Variants in MAGI1 observed in about 807,000 individuals in gnomAD.
MAGI1 encodes membrane-associated guanylate kinase, WW and PDZ domain-containing protein 1.
MAGI1 carries 58 observed loss-of-function variants against 139.9 expected under a neutral mutation model. That is an observed-to-expected ratio of 0.41 (90% confidence interval 0.34 to 0.52). MAGI1 has a LOEUF of 0.52. MAGI1 is among the 20% of genes least tolerant of loss of function. The pLI is 0.12. For missense variants in MAGI1, 1,874 were observed against 1,901.6 expected (o/e 0.99, Z 0.27); for synonymous variants, 812 against 737.9 (o/e 1.10, Z -1.63).
intron 1 of MAGI1, among the ~76,000 whole-genome samples, chr3:65,919,499 C>CTACAGT (rs947721392): frequency 2.0e-5 from 3 of 151,818 alleles, no homozygotes; most frequent in African/African-American, 7.3e-5. Flanking sequence ...GAGTTTGAGG[C>CTACAGT]TGTAGTGAGC....
At position 65,429,926 on chromosome 3, in the gene MAGI1, C is replaced by G; in HGVS notation, c.1761G>C (p.Glu587Asp). ...DKEPIIVNGQ[E>D]TYDSPASHSS... The stretch of plus-strand genomic sequence containing the variant: ...TGTGGCTAGCTGGTGAATCATAGGT[C>G]TCTTGCCCATTCACAATAATTGGTT... The change falls in exon 12 of 23, where the codon GAG becomes GAC. Residue 587 changes from glutamate to aspartate, a missense_variant. By Grantham distance (45) the Glu-to-Asp change is conservative (BLOSUM62 2). Around this residue, in one of 5 missense-constraint regions of MAGI1, gnomAD observed 482 missense variants for 509.6 expected, o/e 0.95. Transcript: ENST00000402939. 2 of 1,613,990 alleles carry G rather than the reference C, an allele frequency of 1.2e-6. No homozygotes were observed. The highest frequency in any genetic ancestry group is 1.7e-6 in the Non-Finnish European group (2 of 1,179,962).
intron 2 of MAGI1, among the ~76,000 whole-genome samples, chr3:65,514,855 C>A: frequency 6.8e-6 from 1 of 147,588 alleles, no homozygotes. Context: ...AAGACACATG[C>A]ACACGTATGT....
intron 5 of MAGI1, among the ~76,000 whole-genome samples, chr3:65,467,877 CT>C (rs1296585918): frequency 2.0e-5 from 3 of 152,120 alleles, no homozygotes; most frequent in African/African-American, 7.2e-5. Context: ...GTAAAAAATC[CT>C]GAGTTTATGG....
intron 2 of MAGI1, among the ~76,000 whole-genome samples, chr3:65,505,852 C>T (rs894695082): frequency 1.3e-5 from 2 of 151,948 alleles, no homozygotes; most frequent in Admixed American, 6.6e-5. Context: ...AAAACTCTTA[C>T]ACTGCAGAGA....
chr3:66,016,594 T>C (rs1198660339), intron 1 of MAGI1, among the ~76,000 whole-genome samples: 1 of 152,112 alleles, frequency 6.6e-6, no homozygotes, highest in Non-Finnish European at 1.5e-5. Flanking sequence ...TTTGGGTAAG[T>C]GGTGCTCCGG....
intron 2 of MAGI1, among the ~76,000 whole-genome samples, chr3:65,582,077 A>G (rs1040226570): frequency 3.3e-5 from 5 of 152,182 alleles, no homozygotes; most frequent in African/African-American, 1.2e-4. Flanking sequence ...GGCCTACATA[A>G]TCCCCCAGTC....
In MAGI1 at chr3:65,963,263, G is replaced by C. The variant is rs186764252; in HGVS notation, c.313+74733C>G. ...GGAGGTGGAGGTTGCAGTGAGTCGAGAGCGCACCACTGCACTCCAGCCTGG... is the reference window on the plus strand; with the variant it reads ...GGAGGTGGAGGTTGCAGTGAGTCGACAGCGCACCACTGCACTCCAGCCTGG... On this transcript the variant is annotated intron_variant, in intron 1 of 22. Coordinates refer to ENST00000402939, the MANE Select transcript of MAGI1 (RefSeq NM_001033057.2). Among the ~76,000 whole-genome samples, 3 of 143,690 alleles carry C rather than the reference G, an allele frequency of 2.1e-5. No homozygotes were observed. The East Asian group carries it at 6.3e-4, about 30-fold the overall frequency. 94.3% of individuals were successfully genotyped at this position (143,690 alleles called of 152,430 possible).
At chr3:65,850,138 A>G (rs1476467594) in intron 1 of MAGI1, among the ~76,000 whole-genome samples, 1 of 152,126 alleles carries the variant, frequency 6.6e-6, no homozygotes, top group Non-Finnish European at 1.5e-5. Context: ...CTATTTCTTT[A>G]TATATATAAA....
At chr3:65,445,841 C>T (rs946502286) in intron 7 of MAGI1, among the ~76,000 whole-genome samples, 1 of 152,150 alleles carries the variant, frequency 6.6e-6, no homozygotes, top group African/African-American at 2.4e-5. Flanking sequence ...TCTCAGAGGC[C>T]GATTACAAAG....
intron 17 of MAGI1, 89 bp downstream of exon 17, chr3:65,379,172 G>A (rs762794727): frequency 1.9e-5 from 31 of 1,592,484 alleles, no homozygotes; most frequent in Middle Eastern, 1.6e-4. Flanking sequence ...ATTTCTGCAC[G>A]TGAGGTCTGA....
At chr3:65,543,866 C>T (rs1042962351) in intron 2 of MAGI1, among the ~76,000 whole-genome samples, 6 of 152,084 alleles carry the variant, frequency 3.9e-5, no homozygotes, top group Admixed American at 3.3e-4. Context: ...CAAATCTGCA[C>T]ATTCTGCACA....
Position 65,379,420 on chromosome 3 carries a change from C to T in MAGI1, c.2836G>A (p.Gly946Ser). The change falls in exon 17 of 23, where the codon GGC (glycine) becomes AGC (serine). Residue 946 changes from glycine (G) to serine (S), a missense_variant. By Grantham distance (56) the Gly-to-Ser change is moderately conservative. This residue lies in a region of MAGI1 where 482 missense variants were observed against 509.6 expected (regional missense o/e 0.95). Transcript: ENST00000402939. ...CCACTGCCGATGCCGCTGGTGCTGC[C>T]GCTGCCCGAGCTCACCGTGTTCAGC... ...NSLNTVSSGSGSTSGIGSGGG... is the reference protein window; with the variant it reads ...NSLNTVSSGSSSTSGIGSGGG... 6.2e-7 allele frequency: 1 copy of T among 1,613,530 alleles called. No individual in the cohort carries two copies. Among genetic ancestry groups the T allele is most frequent in the Non-Finnish European group, 8.5e-7 (1 of 1,179,616 alleles).
intron 7 of MAGI1, among the ~76,000 whole-genome samples, chr3:65,444,196 A>G (rs1417300798): frequency 1.3e-5 from 2 of 152,328 alleles, no homozygotes; most frequent in African/African-American, 4.8e-5. Flanking sequence ...GACATAAGCT[A>G]CTAAAATGCA....
Position 65,978,858 on chromosome 3 carries a change from C to T in MAGI1, c.313+59138G>A, listed in dbSNP as rs564140343. Among the ~76,000 whole-genome samples the T allele has an allele frequency of 2.0e-3, 299 of 152,038 alleles. 3 individuals carry two copies. Among genetic ancestry groups the T allele is most frequent in the African/African-American group, 6.8e-3 (283 of 41,466 alleles). On this transcript the variant is annotated intron_variant, in intron 1 of 22. Transcript: ENST00000402939. ...GCCAGGCTGGTCTCAAACTCCTGAC[C>T]TCAAGTGATCTGCCCTCCTCAGCCT...
At chr3:65,467,992 C>G (rs1406522355) in intron 5 of MAGI1, among the ~76,000 whole-genome samples, 1 of 152,134 alleles carries the variant, frequency 6.6e-6, no homozygotes. Context: ...TTACTACTAG[C>G]CCAAGAACTT....
At position 65,448,072 on chromosome 3, in the gene MAGI1, T is replaced by C; in HGVS notation, c.1043-15A>G. ...GTGTACCCCTTCTTCTCCAAAGGAA[T>C]AGCAGGAATGAGACAGAAAAGAGAG... is the stretch of plus-strand genomic sequence containing the variant. On this transcript the variant is annotated splice_polypyrimidine_tract_variant and intron_variant, in intron 6 of 22. Coordinates refer to ENST00000402939, the MANE Select transcript of MAGI1 (RefSeq NM_001033057.2). The C allele has an allele frequency of 6.2e-7, 1 of 1,613,676 alleles. No individual in the cohort carries two copies. Among genetic ancestry groups the C allele is most frequent in the Non-Finnish European group, 8.5e-7 (1 of 1,179,684 alleles).
At chr3:65,533,774 C>T (rs904092219) in intron 2 of MAGI1, among the ~76,000 whole-genome samples, 4 of 152,100 alleles carry the variant, frequency 2.6e-5, no homozygotes, top group African/African-American at 9.7e-5. Flanking sequence ...GCATTAGAAT[C>T]CATGTGGTTA....
At chr3:65,633,912 T>C (rs982317027) in intron 1 of MAGI1, among the ~76,000 whole-genome samples, 3 of 152,184 alleles carry the variant, frequency 2.0e-5, no homozygotes, top group Non-Finnish European at 2.9e-5. Flanking sequence ...AATCTAAAGA[T>C]ACGGGTGTCT....
chr3:66,007,173 A>C (rs1376743859), intron 1 of MAGI1, among the ~76,000 whole-genome samples: 1 of 152,180 alleles, frequency 6.6e-6, no homozygotes, highest in African/African-American at 2.4e-5. Context: ...AAGTCTATTA[A>C]GCTTGACTAC....
Sources: gnomAD v4.1 joint callset for allele counts (sites outside exome capture counted in the v4.1 genomes callset) on GRCh38, gnomAD v4.1.1 for gene constraint, gnomAD v4.1.1 regional missense constraint, MANE v1.5 for transcripts, NCBI Gene and HGNC (gene_info 2026-07-23, HGNC 2026-07-21) for gene names.